The following MACROD2 variants were observed in gnomAD, a reference collection of about 807,000 sequenced individuals.
MACROD2 encodes mono-ADP ribosylhydrolase 2, also known as ADP-ribose glycohydrolase MACROD2.
Under a neutral mutation model 70.4 loss-of-function variants are expected in MACROD2, and 36 were observed. The observed-to-expected ratio is 0.51, with a 90% CI of 0.39 to 0.68. MACROD2 has a LOEUF of 0.68. Ranked by LOEUF, MACROD2 falls within the 30% of genes least tolerant of loss-of-function variation. MACROD2 has a pLI of 0.00. For synonymous variants in MACROD2, 172 were observed against 178.8 expected (o/e 0.96, Z 0.30); for missense variants, 496 against 538.4 (o/e 0.92, Z 0.78).
intron 5 of MACROD2, among the ~76,000 whole-genome samples, chr20:14,955,907 G>A (rs1005493984): frequency 2.6e-5 from 4 of 152,074 alleles, no homozygotes; most frequent in Non-Finnish European, 4.4e-5. Context: ...ACAGATTTAC[G>A]TGGATGTTTT....
chr20:14,812,183 TTCA>T lies in MACROD2; in HGVS notation c.418+127228_418+127230del, dbSNP rs1360950405. Among the ~76,000 whole-genome samples, 3 of 152,192 alleles carry T rather than the reference TTCA, an allele frequency of 2.0e-5. No individual in the cohort carries two copies. In the East Asian group the frequency reaches 5.8e-4, roughly 29 times the overall value. ...CAAAGGCTTGGAACCCACCCAAATG[TTCA>T]TCAATGTTGGACTGGATAAAGAAAA... On this transcript the variant is annotated intron_variant, in intron 5 of 17. Coordinates refer to ENST00000684519, the MANE Select transcript of MACROD2 (RefSeq NM_001351661.2).
intron 5 of MACROD2, among the ~76,000 whole-genome samples, chr20:14,870,960 C>T (rs1353840381): frequency 6.6e-6 from 1 of 152,144 alleles, no homozygotes. Flanking sequence ...AATTAGATCA[C>T]ATTTGTCAAT....
chr20:14,342,485 A>G (rs1007277213), intron 3 of MACROD2, among the ~76,000 whole-genome samples: 7 of 152,188 alleles, frequency 4.6e-5, no homozygotes. Context: ...GCACATCAGT[A>G]TTACATCTTA....
At chr20:15,817,431 A>G (rs1017214806) in intron 8 of MACROD2, among the ~76,000 whole-genome samples, 2 of 152,192 alleles carry the variant, frequency 1.3e-5, no homozygotes, top group East Asian at 3.9e-4. Flanking sequence ...AGTTCTTCAG[A>G]GCAGATTTTG....
At chr20:15,296,050 C>A (rs1026599872) in intron 6 of MACROD2, among the ~76,000 whole-genome samples, 5 of 152,320 alleles carry the variant, frequency 3.3e-5, no homozygotes, top group African/African-American at 4.8e-5. Flanking sequence ...GCCTGTTGCA[C>A]CCTTGCAACA....
chr20:15,601,669 C>G lies in MACROD2; in HGVS notation c.645+101822C>G, dbSNP rs1277974013. On this transcript the variant is annotated intron_variant, in intron 8 of 17. Coordinates refer to ENST00000684519, the MANE Select transcript of MACROD2 (RefSeq NM_001351661.2). ...TAATAAAGCAACAAATATTCTGACCCTCAAGCATGACTCATTTATACTTTT... is the reference window on the plus strand; with the variant it reads ...TAATAAAGCAACAAATATTCTGACCGTCAAGCATGACTCATTTATACTTTT... 2.6e-5 allele frequency among the ~76,000 whole-genome samples: 4 copies of G among 152,176 alleles called. No homozygotes were observed. The East Asian group carries it at 7.7e-4, about 29-fold the overall frequency.
chr20:14,090,177 G>A (rs1449129573), intron 3 of MACROD2, among the ~76,000 whole-genome samples: 2 of 152,212 alleles, frequency 1.3e-5, no homozygotes, highest in Non-Finnish European at 2.9e-5. Context: ...TCATGTGAAT[G>A]TGTGTATATA....
At chr20:15,016,685 G>A (rs1341958121) in intron 5 of MACROD2, among the ~76,000 whole-genome samples, 2 of 152,114 alleles carry the variant, frequency 1.3e-5, no homozygotes, top group Non-Finnish European at 2.9e-5. Context: ...AACTGGGAAC[G>A]AAGAAAGGTT....
At chr20:15,930,492 G>A (rs996968272) in intron 10 of MACROD2, among the ~76,000 whole-genome samples, 3 of 152,206 alleles carry the variant, frequency 2.0e-5, no homozygotes, top group Admixed American at 6.5e-5. Flanking sequence ...CCCCCTGCTG[G>A]ATTTGAGGAT....
At chr20:15,961,217 C>T (rs926079395) in intron 12 of MACROD2, among the ~76,000 whole-genome samples, 5 of 152,052 alleles carry the variant, frequency 3.3e-5, no homozygotes, top group African/African-American at 7.2e-5. Context: ...CCCATGATTT[C>T]GCCTCAGTTC....
At chr20:14,628,160 T>C (rs1221630289) in intron 4 of MACROD2, among the ~76,000 whole-genome samples, 1 of 152,194 alleles carries the variant, frequency 6.6e-6, no homozygotes, top group Admixed American at 6.5e-5. Flanking sequence ...AAAACACTTC[T>C]TTAGGATCAG....
chr20:14,066,595 A>G (rs2148658597), intron 2 of MACROD2, among the ~76,000 whole-genome samples: 1 of 152,286 alleles, frequency 6.6e-6, no homozygotes, highest in East Asian at 1.9e-4. Context: ...ATGTGTGTCT[A>G]ATGTATATGT....
At position 14,326,164 on chromosome 20, in the gene MACROD2, G is replaced by A. The variant is rs749984721; in HGVS notation, c.272-167315G>A. The A allele has an allele frequency of 1.1e-5, 18 of 1,613,740 alleles. No individual in the cohort carries two copies. Among genetic ancestry groups the A allele is most frequent in the Non-Finnish European group, 1.4e-5 (17 of 1,179,890 alleles). On this transcript the variant is annotated intron_variant, in intron 3 of 17. Transcript: ENST00000684519. This position sits in a 1 kb window ranked among gnomAD's most constrained non-coding sequence, Gnocchi z 5.5. ...AATTGTTTCTGTTATAGATCCAAATGCCGGGCTATGGCCCAGTTTAAGCCA... is the reference window on the plus strand; with the variant it reads ...AATTGTTTCTGTTATAGATCCAAATACCGGGCTATGGCCCAGTTTAAGCCA...
At chr20:14,297,743 T>A (rs575495200) in intron 3 of MACROD2, among the ~76,000 whole-genome samples, 1 of 151,914 alleles carries the variant, frequency 6.6e-6, no homozygotes, top group Non-Finnish European at 1.5e-5. Flanking sequence ...ATCAAGAAGA[T>A]CTAGCTAAGA....
At chr20:15,822,886 T>C (rs1240534113) in intron 8 of MACROD2, among the ~76,000 whole-genome samples, 1 of 152,190 alleles carries the variant, frequency 6.6e-6, no homozygotes, top group Non-Finnish European at 1.5e-5. Flanking sequence ...ATTTACATGC[T>C]GAATTATACT....
chr20:14,829,741 T>C (rs887855782), intron 5 of MACROD2, among the ~76,000 whole-genome samples: 33 of 152,154 alleles, frequency 2.2e-4, no homozygotes, highest in African/African-American at 7.2e-4. Flanking sequence ...ATGCAATTTG[T>C]GACCAACATT....
intron 5 of MACROD2, among the ~76,000 whole-genome samples, chr20:14,783,659 A>G (rs1340593954): frequency 1.3e-5 from 2 of 152,026 alleles, no homozygotes; most frequent in South Asian, 2.1e-4. Context: ...CTGAGATTTT[A>G]AGGATTTGAG....
intron 12 of MACROD2, among the ~76,000 whole-genome samples, chr20:15,940,667 A>G (rs1262302151): frequency 4.6e-5 from 7 of 152,238 alleles, no homozygotes; most frequent in African/African-American, 1.7e-4. Flanking sequence ...GATGATTAGC[A>G]TATTTTAGTG....
chr20:14,558,748 A>G (rs1979228789), intron 4 of MACROD2, among the ~76,000 whole-genome samples: 1 of 151,788 alleles, frequency 6.6e-6, no homozygotes, highest in Non-Finnish European at 1.5e-5. Flanking sequence ...CACGTATAAT[A>G]GTCTTTAATT....
Sources: allele counts gnomAD v4.1 joint callset (sites outside exome capture counted in the v4.1 genomes callset), GRCh38; gene constraint gnomAD v4.1.1; non-coding constraint Gnocchi (gnomAD v3.1); transcripts MANE v1.5; gene names NCBI Gene and HGNC (gene_info 2026-07-23, HGNC 2026-07-21).